Variants in KCNN2 observed in about 807,000 individuals in gnomAD.
KCNN2 encodes small conductance calcium-activated potassium channel protein 2.
In KCNN2, 24 loss-of-function variants were observed where a neutral mutation model predicts 55.5. That is an observed-to-expected ratio of 0.43 (90% CI 0.31 to 0.61). The LOEUF (loss-of-function observed/expected upper bound fraction) is 0.61. Ranked by LOEUF, KCNN2 falls within the 20% of genes least tolerant of loss-of-function variation. The pLI, the probability that KCNN2 is intolerant of heterozygous loss-of-function variation, is 0.08. For missense variants in KCNN2, 754 were observed against 853.6 expected, an observed-to-expected ratio of 0.88 and a Z score of 1.45; for synonymous variants, 431 against 336.1, an observed-to-expected ratio of 1.28 and a Z score of -3.09.
intron 1 of KCNN2, among the ~76,000 whole-genome samples, chr5:114,076,188 G>A (rs574535917): frequency 1.8e-4 from 27 of 152,276 alleles, no homozygotes; most frequent in African/African-American, 6.0e-4. Context: ...TGGCCTCCAC[G>A]CCTCACCTAC....
intron 1 of KCNN2, among the ~76,000 whole-genome samples, chr5:114,208,176 A>G (rs149328859): frequency 6.6e-6 from 1 of 152,220 alleles, no homozygotes; most frequent in Non-Finnish European, 1.5e-5. Context: ...AGTCAAGCAT[A>G]TATACAAATC....
rs778974225 is a variant in KCNN2, at chr5:114,496,132, A to AGGC, written c.2332_2334dup (p.Arg778dup). ...TGAGCGGTCCCGGTCCTCGTCCAGG[A>AGGC]GGCGGCGGTCCTCTTCCACAGCACC... On this transcript the variant is annotated inframe_insertion, in exon 8 of 8. Transcript: ENST00000673685. The AGGC allele has an allele frequency of 1.5e-5, 25 of 1,613,968 alleles. No individual in the cohort carries two copies. The African/African-American group carries it at 3.2e-4, about 21-fold the overall frequency.
At chr5:114,251,340 C>T (rs1337883661) in intron 2 of KCNN2, among the ~76,000 whole-genome samples, 2 of 152,228 alleles carry the variant, frequency 1.3e-5, no homozygotes, top group Non-Finnish European at 2.9e-5. Context: ...CAAAGTAGAG[C>T]TTGGTTTGAA....
chr5:114,397,593 G>A (rs185847961), intron 2 of KCNN2, among the ~76,000 whole-genome samples: 30 of 152,218 alleles, frequency 2.0e-4, no homozygotes, highest in African/African-American at 6.7e-4. Context: ...CACCATATTG[G>A]CCAGGCTGGT....
intron 1 of KCNN2, among the ~76,000 whole-genome samples, chr5:114,215,078 T>C (rs1753974371): frequency 6.6e-6 from 1 of 152,096 alleles, no homozygotes; most frequent in African/African-American, 2.4e-5. Flanking sequence ...GTGACAAGAA[T>C]GTTTTGCTTT....
intron 2 of KCNN2, among the ~76,000 whole-genome samples, chr5:114,290,482 CT>C (rs1755862396): frequency 1.3e-5 from 2 of 151,930 alleles, no homozygotes. Flanking sequence ...CATCTTCCCT[CT>C]TTTTTTCTTA....
intron 2 of KCNN2, among the ~76,000 whole-genome samples, chr5:114,310,802 T>C (rs1036336021): frequency 1.3e-5 from 2 of 152,118 alleles, no homozygotes; most frequent in African/African-American, 4.8e-5. Context: ...CCATATGAAA[T>C]GGGAGTCTGT....
rs1369105308 is a variant in KCNN2, at chr5:114,496,210, A to T, written c.*28A>T. 6.2e-7 allele frequency: 1 copy of T among 1,605,982 alleles called. No individual in the cohort carries two copies. The stretch of plus-strand genomic sequence containing the variant: ...GAGAATAAGTTAACCACAAAATAAG[A>T]CTTTTTGCCATCATATGGTCAATAT... On this transcript the variant is annotated 3_prime_UTR_variant, in exon 8 of 8. Coordinates refer to ENST00000673685, the MANE Select transcript of KCNN2 (RefSeq NM_021614.4).
intron 1 of KCNN2, among the ~76,000 whole-genome samples, chr5:114,107,033 A>G (rs537821111): frequency 2.0e-5 from 3 of 152,208 alleles, no homozygotes; most frequent in African/African-American, 7.2e-5. Context: ...TTTAAGTCAC[A>G]TTAAGTCAAT....
rs534880972 is a variant in KCNN2 at position 114,495,862 on chromosome 5, A to G, written c.2089-33A>G. 29 of 1,594,860 alleles carry G rather than the reference A, an allele frequency of 1.8e-5. No homozygotes were observed. The East Asian group carries it at 6.0e-4, about 33-fold the overall frequency. On this transcript the variant is annotated intron_variant, in intron 7 of 7. Transcript: ENST00000673685. ...TGGACAGTTTGTGTTCAGGGCAAGT[A>G]TAATTAACCTTCTTCTCAATCCTGT... is the stretch of plus-strand genomic sequence containing the variant.
intron 1 of KCNN2, among the ~76,000 whole-genome samples, chr5:114,185,180 A>C (rs2112557113): frequency 6.6e-6 from 1 of 152,082 alleles, no homozygotes; most frequent in East Asian, 1.9e-4. Context: ...TAGAACTAGG[A>C]GTAAGTAGAA....
At chr5:114,092,367 T>C (rs537977526) in intron 1 of KCNN2, among the ~76,000 whole-genome samples, 2 of 152,322 alleles carry the variant, frequency 1.3e-5, no homozygotes, top group African/African-American at 2.4e-5. Context: ...TCAGCCCCTG[T>C]GGCTCTGAAG....
At chr5:114,348,181 C>A (rs1330914152) in intron 2 of KCNN2, among the ~76,000 whole-genome samples, 1 of 148,800 alleles carries the variant, frequency 6.7e-6, no homozygotes, top group Non-Finnish European at 1.5e-5. Context: ...GGCTCGGTCT[C>A]ATGATGCTGT....
chr5:114,228,900 TA>T (rs1227765874), intron 2 of KCNN2, among the ~76,000 whole-genome samples: 1 of 152,108 alleles, frequency 6.6e-6, no homozygotes, highest in East Asian at 1.9e-4. Flanking sequence ...AAAAGACAAT[TA>T]TAGCAATAAA....
At chr5:114,324,262 G>A (rs1006224167) in intron 2 of KCNN2, among the ~76,000 whole-genome samples, 29 of 152,304 alleles carry the variant, frequency 1.9e-4, no homozygotes, top group African/African-American at 7.0e-4. Context: ...ACGAGAACAT[G>A]TGAGTATGTT....
chr5:114,373,685 G>A (rs1757843894), intron 2 of KCNN2, among the ~76,000 whole-genome samples: 2 of 91,964 alleles, frequency 2.2e-5, no homozygotes, highest in African/African-American at 3.5e-5. Context: ...TGCCTGGCAT[G>A]TGGTAAGGGC....
intron 3 of KCNN2, among the ~76,000 whole-genome samples, chr5:114,435,128 C>T (rs1759958637): frequency 6.8e-6 from 1 of 146,280 alleles, no homozygotes; most frequent in African/African-American, 2.5e-5. Flanking sequence ...TCACCCCTCA[C>T]CCCTTACCCC....
chr5:114,112,639 A>C (rs1751623333), intron 1 of KCNN2, among the ~76,000 whole-genome samples: 1 of 151,538 alleles, frequency 6.6e-6, no homozygotes, highest in Admixed American at 6.6e-5. Flanking sequence ...TAAAGCAGTT[A>C]ATCTCAAAGG....
chr5:114,197,906 T>G (rs922928005), intron 1 of KCNN2, among the ~76,000 whole-genome samples: 1 of 152,198 alleles, frequency 6.6e-6, no homozygotes, highest in African/African-American at 2.4e-5. Flanking sequence ...TTTCCTTGAA[T>G]GAATGTTGTT....
Sources: gnomAD v4.1 joint callset for allele counts (sites outside exome capture counted in the v4.1 genomes callset) on GRCh38, gnomAD v4.1.1 for gene constraint, MANE v1.5 for transcripts, NCBI Gene and HGNC (gene_info 2026-07-23, HGNC 2026-07-21) for gene names.